The following ADAMTS17 variants were observed in gnomAD, a reference collection of about 807,000 sequenced individuals.
ADAMTS17 encodes the protein A disintegrin and metalloproteinase with thrombospondin motifs 17.
ADAMTS17 carries 113 observed loss-of-function variants against 141.5 expected under a neutral mutation model. The ratio of observed to expected loss-of-function variants is 0.80; its 90% CI spans 0.69 to 0.93. The LOEUF (loss-of-function observed/expected upper bound fraction) is 0.93, where lower values mean the gene tolerates loss of function less well. ADAMTS17 is among the 40% of genes least tolerant of loss of function. The pLI, the probability that ADAMTS17 is intolerant of heterozygous loss-of-function variation, is 0.00. For missense variants in ADAMTS17, 1,659 were observed against 1,517.9 expected (o/e 1.09, Z -1.54); for synonymous variants, 768 against 630.6 (o/e 1.22, Z -3.27).
intron 15 of ADAMTS17, among the ~76,000 whole-genome samples, chr15:100,068,886 A>C (rs942589043): frequency 6.6e-6 from 1 of 152,258 alleles, no homozygotes; most frequent in South Asian, 2.1e-4. Context: ...CAGCAAGGGA[A>C]CAAAGGGACA....
At chr15:100,057,702 C>G (rs941511063) in intron 15 of ADAMTS17, among the ~76,000 whole-genome samples, 1 of 152,308 alleles carries the variant, frequency 6.6e-6, no homozygotes, top group East Asian at 1.9e-4. Flanking sequence ...ATCACCCAAC[C>G]CCAAACAGGG....
intron 20 of ADAMTS17, among the ~76,000 whole-genome samples, chr15:99,981,625 T>A (rs1012687256): frequency 6.6e-6 from 1 of 152,192 alleles, no homozygotes; most frequent in Non-Finnish European, 1.5e-5. Flanking sequence ...AGTTACAAAG[T>A]GGCATGTACA....
intron 13 of ADAMTS17, among the ~76,000 whole-genome samples, chr15:100,114,289 A>G (rs1336605406): frequency 2.0e-5 from 3 of 152,102 alleles, no homozygotes; most frequent in Admixed American, 6.5e-5. Context: ...GGGCAGTCAT[A>G]ATGGGCTTCA....
chr15:100,116,918 TC>T lies in ADAMTS17; in HGVS notation c.1816del (p.Asp606ThrfsTer10). On this transcript the variant is annotated frameshift_variant, in exon 13 of 22. Transcript: ENST00000268070. LOFTEE classifies it high-confidence loss of function. ...CCGGTCGTGTGCCTGGCACTGCTGG[TC>T]CCGGAAGCTGGGCAGACCCTTGGGG... ...PCPKGLPSFR[D>X]QQCQAHDRLS... is the part of the protein sequence containing the mutation. The T allele has an allele frequency of 6.2e-7, 1 of 1,614,130 alleles. No individual in the cohort carries two copies. Among genetic ancestry groups the T allele is most frequent in the Non-Finnish European group, 8.5e-7 (1 of 1,180,030 alleles).
chr15:100,050,019 G>C (rs1194690814), intron 17 of ADAMTS17, among the ~76,000 whole-genome samples: 1 of 152,182 alleles, frequency 6.6e-6, no homozygotes, highest in Non-Finnish European at 1.5e-5. Flanking sequence ...ACAACTATTT[G>C]GATCCTGGGC....
chr15:100,086,755 A>G (rs28875542), intron 15 of ADAMTS17, among the ~76,000 whole-genome samples: 41,646 of 140,352 alleles, frequency 0.3, 8,384 homozygotes, highest in East Asian at 0.56. Flanking sequence ...GGTACATAAC[A>G]AAATGAAGGC....
At chr15:99,998,001 C>G (rs1159339039) in intron 18 of ADAMTS17, among the ~76,000 whole-genome samples, 2 of 152,204 alleles carry the variant, frequency 1.3e-5, no homozygotes, top group Admixed American at 6.5e-5. Context: ...TTACTTCTTA[C>G]CCTCTGCTGG....
chr15:100,232,388 A>T lies in ADAMTS17; in HGVS notation c.1075+21748T>A, dbSNP rs559064097. On this transcript the variant is annotated intron_variant, in intron 7 of 21. Coordinates refer to ENST00000268070, the MANE Select transcript of ADAMTS17 (RefSeq NM_139057.4). ...TTCAAGTCCCGGGTATCGACCCATCATCCCTGGGCTCTGAAAGCCTGATGG... is the reference window on the plus strand; with the variant it reads ...TTCAAGTCCCGGGTATCGACCCATCTTCCCTGGGCTCTGAAAGCCTGATGG... Among the ~76,000 whole-genome samples, 600 of 152,318 alleles carry T rather than the reference A, an allele frequency of 3.9e-3. 1 individual carries two copies. The highest frequency in any genetic ancestry group is 0.013 in the African/African-American group (548 of 41,580).
intron 18 of ADAMTS17, among the ~76,000 whole-genome samples, chr15:100,006,036 T>C (rs2061030683): frequency 6.6e-6 from 1 of 152,180 alleles, no homozygotes; most frequent in Non-Finnish European, 1.5e-5. Flanking sequence ...CCTCTTCTTA[T>C]AAGGATACCT....
At chr15:100,331,240 C>T (rs535497153) in intron 2 of ADAMTS17, among the ~76,000 whole-genome samples, 186 bp from the exon 3 acceptor site, 1 of 152,144 alleles carries the variant, frequency 6.6e-6, no homozygotes, top group Non-Finnish European at 1.5e-5. Context: ...TACAAACATA[C>T]CACAGAGCAG....
At chr15:100,324,070 C>T (rs11636929) in intron 3 of ADAMTS17, among the ~76,000 whole-genome samples, 40,525 of 150,930 alleles carry the variant, frequency 0.27, 5,891 homozygotes, top group South Asian at 0.45. Flanking sequence ...TTTGGGAGGC[C>T]GAGGCAGGCA....
chr15:100,335,297 A>T (rs1350313170), intron 2 of ADAMTS17, among the ~76,000 whole-genome samples: 1 of 152,160 alleles, frequency 6.6e-6, no homozygotes, highest in African/African-American at 2.4e-5. Context: ...CTGCCAGTTC[A>T]GTTCCTCTAC....
At chr15:100,230,496 G>C (rs1373764017) in intron 7 of ADAMTS17, among the ~76,000 whole-genome samples, 1 of 152,198 alleles carries the variant, frequency 6.6e-6, no homozygotes, top group Non-Finnish European at 1.5e-5. Flanking sequence ...AGGAGAGCAA[G>C]GGGTGGAGGA....
At chr15:100,043,370 T>C (rs969324068) in intron 18 of ADAMTS17, among the ~76,000 whole-genome samples, 2 of 152,108 alleles carry the variant, frequency 1.3e-5, no homozygotes, top group African/African-American at 4.8e-5. Context: ...GAAAGAGAAG[T>C]GGTGGGGAGG....
intron 9 of ADAMTS17, among the ~76,000 whole-genome samples, chr15:100,154,613 A>C (rs1269304203): frequency 6.6e-6 from 1 of 152,212 alleles, no homozygotes; most frequent in Non-Finnish European, 1.5e-5. Context: ...GGCACCGTCC[A>C]CAGGTACAGA....
intron 3 of ADAMTS17, among the ~76,000 whole-genome samples, chr15:100,314,725 G>C (rs1262631262): frequency 6.6e-6 from 1 of 152,214 alleles, no homozygotes; most frequent in African/African-American, 2.4e-5. Flanking sequence ...GGCATCGTCA[G>C]ACAAGACTTT....
At chr15:100,306,729 C>G (rs10902572) in intron 3 of ADAMTS17, among the ~76,000 whole-genome samples, 96,227 of 151,450 alleles carry the variant, frequency 0.64, 31,092 homozygotes, top group African/African-American at 0.75. Flanking sequence ...ATAACTTGTT[C>G]GTTTCTCCCA....
chr15:100,173,578 T>G (rs1257176322), intron 8 of ADAMTS17, among the ~76,000 whole-genome samples: 1 of 152,224 alleles, frequency 6.6e-6, no homozygotes, highest in Admixed American at 6.5e-5. Context: ...GCAGGAAGCC[T>G]GTCCTTCCTC....
chr15:100,038,529 G>A (rs2030959684), intron 18 of ADAMTS17, among the ~76,000 whole-genome samples: 1 of 152,098 alleles, frequency 6.6e-6, no homozygotes, highest in Non-Finnish European at 1.5e-5. Flanking sequence ...GTAGTTTTCA[G>A]AATATGTTTT....
Sources: allele counts gnomAD v4.1 joint callset (sites outside exome capture counted in the v4.1 genomes callset), GRCh38; gene constraint gnomAD v4.1.1; transcripts MANE v1.5; gene names NCBI Gene and HGNC (gene_info 2026-07-23, HGNC 2026-07-21).